Variants in FRG1 observed in about 807,000 individuals in gnomAD.
FRG1 encodes FSHD region gene 1, also known as protein FRG1.
Under a neutral mutation model 37.0 loss-of-function variants are expected in FRG1, and 19 were observed. The observed-to-expected ratio is 0.51, with a 90% CI of 0.36 to 0.75. FRG1 has a LOEUF of 0.75. Ranked by LOEUF, FRG1 falls within the 30% of genes least tolerant of loss-of-function variation. The pLI, the probability that FRG1 is intolerant of heterozygous loss-of-function variation, is 0.00. For synonymous variants in FRG1, 73 were observed against 96.5 expected, an observed-to-expected ratio of 0.76 and a Z score of 1.43; for missense variants, 243 against 301.4, an observed-to-expected ratio of 0.81 and a Z score of 1.44.
intron 6 of FRG1, among the ~76,000 whole-genome samples, chr4:189,957,900 T>C (rs561986794): frequency 6.6e-6 from 1 of 152,310 alleles, no homozygotes; most frequent in South Asian, 2.1e-4. Context: ...CCATGCGTCT[T>C]ACTCACCTGT....
chr4:189,941,780 T>C, intron 1 of FRG1: 1 of 348,994 alleles, frequency 2.9e-6, no homozygotes, highest in South Asian at 2.1e-5. Flanking sequence ...TTATTAGCTT[T>C]TTAGGAAAAA....
intron 4 of FRG1, among the ~76,000 whole-genome samples, chr4:189,953,740 G>T (rs1736861474): frequency 6.6e-6 from 1 of 151,780 alleles, no homozygotes; most frequent in East Asian, 1.9e-4. Context: ...GAGATTCTCG[G>T]TAAGGTAAAA....
rs548910807 is a variant in FRG1, at chr4:189,947,502, C to T, written c.133+4230C>T. Reference sequence around the variant, plus strand: ...TGTGCTTATTTATTAGGGTTTTGCTCGTAGACTTAGACAGTGACTCTTAGT... The same window carrying T: ...TGTGCTTATTTATTAGGGTTTTGCTTGTAGACTTAGACAGTGACTCTTAGT... On this transcript the variant is annotated intron_variant, in intron 2 of 8. Transcript: ENST00000226798. Among the ~76,000 whole-genome samples, 135 of 152,320 alleles carry T rather than the reference C, an allele frequency of 8.9e-4. 1 individual carries two copies. Among genetic ancestry groups the T allele is most frequent in the African/African-American group, 2.9e-3 (119 of 41,566 alleles).
At chr4:189,955,808 A>G (rs1378083888) in intron 5 of FRG1, among the ~76,000 whole-genome samples, 8 of 152,192 alleles carry the variant, frequency 5.3e-5, no homozygotes, top group Non-Finnish European at 1.2e-4. Flanking sequence ...ACAGTCTTTA[A>G]AAAGTAGATA....
At chr4:189,953,584 G>T (rs1375795028) in intron 4 of FRG1, among the ~76,000 whole-genome samples, 1 of 152,034 alleles carries the variant, frequency 6.6e-6, no homozygotes, top group African/African-American at 2.4e-5. Flanking sequence ...TTCTCACCTT[G>T]TGCAAAAGTA....
rs529731160 is a variant in FRG1, at chr4:189,956,363, A to G, written c.433-1035A>G. On this transcript the variant is annotated intron_variant, in intron 5 of 8. Transcript: ENST00000226798. ...CACCGGTAGAAAAGGCCAATATATC[A>G]TAAGGCCTTAGATGATGACTTAGAT... is the stretch of plus-strand genomic sequence containing the variant. 9.2e-5 allele frequency among the ~76,000 whole-genome samples: 14 copies of G among 152,320 alleles called. No individual in the cohort carries two copies. The South Asian group carries it at 2.5e-3, about 27-fold the overall frequency.
In FRG1 at chr4:189,941,056, G is replaced by A. The variant is rs376125311; in HGVS notation, c.47G>A (p.Gly16Glu). ...AAGTCTACCAAGCTCGTGCTCAAGG[G>A]AACCAAGACGAAGAGGTGGGTCCTG... ...YVKSTKLVLK[G>E]TKTKSKKKKS... The change falls in exon 1 of 9, where the codon GGA (glycine) becomes GAA (glutamate). Residue 16 changes from glycine (G) to glutamate (E), a missense_variant. Around this residue, in one of 2 missense-constraint regions of FRG1, gnomAD observed 110 missense variants for 102.2 expected, o/e 1.08. Transcript: ENST00000226798. 20 of 1,613,994 alleles carry A rather than the reference G, an allele frequency of 1.2e-5. No individual in the cohort carries two copies. Among genetic ancestry groups the A allele is most frequent in the Non-Finnish European group, 1.7e-5 (20 of 1,179,956 alleles).
rs570758074 is a variant in FRG1 at position 189,949,356 on chromosome 4, A to G, written c.134-2806A>G. Among the ~76,000 whole-genome samples the G allele has an allele frequency of 3.3e-5, 5 of 152,386 alleles. No homozygotes were observed. The South Asian group carries it at 1.0e-3, about 32-fold the overall frequency. ...TGTAGGCCACTTGCAGAAAGTAGGC[A>G]GAATGCTCACATTTAATTCTTGATG... On this transcript the variant is annotated intron_variant, in intron 2 of 8. Transcript: ENST00000226798.
At chr4:189,952,684 C>G (rs924364587) in intron 3 of FRG1, among the ~76,000 whole-genome samples, 1 of 151,226 alleles carries the variant, frequency 6.6e-6, no homozygotes, top group African/African-American at 2.5e-5. Context: ...AGAGGAAGCA[C>G]TAATGAGATA....
intron 2 of FRG1, among the ~76,000 whole-genome samples, chr4:189,949,457 T>C (rs1736663589): frequency 6.6e-6 from 1 of 152,244 alleles, no homozygotes; most frequent in Non-Finnish European, 1.5e-5. Context: ...GTAATTTCTT[T>C]TTCAGTTGAC....
At chr4:189,952,826 C>A (rs1232973413) in intron 3 of FRG1, among the ~76,000 whole-genome samples, 1 of 150,876 alleles carries the variant, frequency 6.6e-6, no homozygotes, top group Non-Finnish European at 1.5e-5. Context: ...GAAGCTATCT[C>A]AAAAGTTATT....
At chr4:189,947,573 A>G (rs1370542866) in intron 2 of FRG1, among the ~76,000 whole-genome samples, 1 of 152,166 alleles carries the variant, frequency 6.6e-6, no homozygotes, top group Non-Finnish European at 1.5e-5. Context: ...TGTTCTAGGT[A>G]TACTTAGTGA....
At chr4:189,942,440 A>G (rs1249329357) in intron 1 of FRG1, among the ~76,000 whole-genome samples, 1 of 152,132 alleles carries the variant, frequency 6.6e-6, no homozygotes, top group Non-Finnish European at 1.5e-5. Flanking sequence ...GAAATCGCCT[A>G]TTCTGAATAT....
chr4:189,957,914 C>G (rs1737054854), intron 6 of FRG1, among the ~76,000 whole-genome samples: 1 of 152,042 alleles, frequency 6.6e-6, no homozygotes, highest in Non-Finnish European at 1.5e-5. Context: ...CACCTGTGTC[C>G]CAGCACCTGT....
intron 2 of FRG1, among the ~76,000 whole-genome samples, chr4:189,947,833 T>C (rs1157863966): frequency 3.9e-5 from 6 of 152,236 alleles, no homozygotes; most frequent in African/African-American, 7.2e-5. Flanking sequence ...GACTCTCAGC[T>C]TAGTGACAGT....
chr4:189,945,994 T>C (rs1254074563), intron 2 of FRG1, among the ~76,000 whole-genome samples: 1 of 152,238 alleles, frequency 6.6e-6, no homozygotes, highest in African/African-American at 2.4e-5. Flanking sequence ...TTGTGTCTTT[T>C]AAGAAAATTT....
chr4:189,941,927 A>G (rs1363393731), intron 1 of FRG1: 1 of 422,204 alleles, frequency 2.4e-6, no homozygotes, highest in Non-Finnish European at 4.7e-6. Flanking sequence ...GAAAGTATCA[A>G]GGAGTGAGTT....
At chr4:189,955,944 G>A (rs1736965131) in intron 5 of FRG1, among the ~76,000 whole-genome samples, 1 of 152,174 alleles carries the variant, frequency 6.6e-6, no homozygotes. Context: ...ACTCAGCAGT[G>A]TTTTCTAAGA....
At chr4:189,951,504 A>C (rs1046673255) in intron 2 of FRG1, among the ~76,000 whole-genome samples, 17 of 152,032 alleles carry the variant, frequency 1.1e-4, no homozygotes, top group Non-Finnish European at 1.5e-5. Flanking sequence ...AAAAAAAAAA[A>C]AAGATTGCTA....
Sources: allele counts gnomAD v4.1 joint callset (sites outside exome capture counted in the v4.1 genomes callset), GRCh38; gene constraint gnomAD v4.1.1; regional missense constraint gnomAD v4.1.1; transcripts MANE v1.5; gene names NCBI Gene and HGNC (gene_info 2026-07-23, HGNC 2026-07-21).